The following XIRP2 variants were observed in gnomAD, a reference collection of about 807,000 sequenced individuals.
XIRP2 encodes xin actin-binding repeat-containing protein 2.
In XIRP2, 236 loss-of-function variants were observed where a neutral mutation model predicts 277.0. The observed-to-expected ratio is 0.85, with a 90% CI of 0.77 to 0.95. The LOEUF is 0.95. XIRP2 is among the 40% of genes least tolerant of loss of function. The pLI is 0.00. For synonymous variants in XIRP2, 1,490 were observed against 1,416.5 expected, an observed-to-expected ratio of 1.05 and a Z score of -1.17; for missense variants, 4,640 against 4,157.5, an observed-to-expected ratio of 1.12 and a Z score of -3.19.
intron 3 of XIRP2, among the ~76,000 whole-genome samples, chr2:167,158,427 T>C (rs570579529): frequency 2.0e-5 from 3 of 152,280 alleles, no homozygotes; most frequent in South Asian, 2.1e-4. Context: ...AAAGAGGTAA[T>C]GTAGATGTGT....
intron 2 of XIRP2, among the ~76,000 whole-genome samples, chr2:167,087,906 G>A (rs145932197): frequency 0.073 from 11,152 of 152,182 alleles, 490 homozygotes; most frequent in South Asian, 0.17. Context: ...CTTCTTCTGC[G>A]TCGCTCACGC....
At position 167,245,140 on chromosome 2, in the gene XIRP2, A is replaced by G; in HGVS notation, c.3748A>G (p.Lys1250Glu). Residue 1250 changes from lysine to glutamate, a missense_variant, in exon 9 of 11, where the codon AAG (lysine) becomes GAG (glutamate). Coordinates refer to ENST00000409195, the MANE Select transcript of XIRP2 (RefSeq NM_152381.6). Reference protein sequence around the residue: ...RWLFENQPIDKIKESQEGDEC... With the variant: ...RWLFENQPIDEIKESQEGDEC... ...GCTTTTTGAAAACCAACCAATTGAT[A>G]AGATAAAAGAAAGCCAAGAAGGTGA... 1.2e-6 allele frequency: 2 copies of G among 1,612,324 alleles called. No homozygotes were observed. Among genetic ancestry groups the G allele is most frequent in the Non-Finnish European group, 1.7e-6 (2 of 1,179,430 alleles).
chr2:167,012,721 A>G (rs112919829), intron 2 of XIRP2, among the ~76,000 whole-genome samples: 2 of 151,702 alleles, frequency 1.3e-5, no homozygotes, highest in Admixed American at 6.6e-5. Flanking sequence ...CATTGAAATC[A>G]TATGCCTCTC....
At chr2:167,025,654 G>C (rs920166473) in intron 2 of XIRP2, among the ~76,000 whole-genome samples, 1 of 152,070 alleles carries the variant, frequency 6.6e-6, no homozygotes, top group African/African-American at 2.4e-5. Context: ...GGTATGTTGT[G>C]TCTTTGTTCT....
chr2:167,238,475 C>G (rs1326454315), intron 5 of XIRP2, among the ~76,000 whole-genome samples: 1 of 152,100 alleles, frequency 6.6e-6, no homozygotes, highest in African/African-American at 2.4e-5. Flanking sequence ...ACATGACTAA[C>G]TGCTCCTTGG....
chr2:167,032,687 T>C (rs565534417), intron 2 of XIRP2, among the ~76,000 whole-genome samples: 1 of 152,012 alleles, frequency 6.6e-6, no homozygotes, highest in African/African-American at 2.4e-5. Flanking sequence ...CAAAAATATA[T>C]GAAAAAAAGC....
chr2:167,063,340 A>G (rs1027477664), intron 2 of XIRP2, among the ~76,000 whole-genome samples: 5 of 151,976 alleles, frequency 3.3e-5, no homozygotes, highest in African/African-American at 1.2e-4. Flanking sequence ...TTTATTTTGC[A>G]GAAAGTTTTG....
At chr2:167,107,402 T>C (rs1690644323) in intron 2 of XIRP2, among the ~76,000 whole-genome samples, 2 of 151,848 alleles carry the variant, frequency 1.3e-5, no homozygotes, top group Admixed American at 6.6e-5. Context: ...CAAATAATTT[T>C]AATCATGGAT....
intron 2 of XIRP2, among the ~76,000 whole-genome samples, chr2:167,105,076 G>T (rs545088864): frequency 6.6e-6 from 1 of 151,992 alleles, no homozygotes; most frequent in African/African-American, 2.4e-5. Context: ...AAATGAATTA[G>T]TAAGTTAGTT....
At chr2:167,089,275 G>T (rs1690072051) in intron 2 of XIRP2, among the ~76,000 whole-genome samples, 1 of 152,066 alleles carries the variant, frequency 6.6e-6, no homozygotes, top group Non-Finnish European at 1.5e-5. Context: ...CTCATTATTA[G>T]AGATTTTTTC....
chr2:167,251,946 T>A lies in XIRP2; in HGVS notation c.10554T>A (p.Ser3518Arg). ...TTFQEESAFI[S>R]EAAAPRQGNM... is the part of the protein sequence containing the mutation. ...TCCAAGAGGAATCTGCATTTATAAG[T>A]GGTAAATGAGCTTGCAATGTGTTAA... Residue 3518 changes from serine to arginine, a missense_variant and splice_region_variant, in exon 9 of 11, where the codon AGT (serine) becomes AGA (arginine). Transcript: ENST00000409195. The A allele has an allele frequency of 6.5e-7, 1 of 1,542,628 alleles. No homozygotes were observed. The highest frequency in any genetic ancestry group is 8.7e-7 in the Non-Finnish European group (1 of 1,152,050).
intron 2 of XIRP2, among the ~76,000 whole-genome samples, chr2:166,973,708 T>C (rs1466401266): frequency 6.6e-6 from 1 of 152,208 alleles, no homozygotes; most frequent in Non-Finnish European, 1.5e-5. Context: ...ATTTGCATTC[T>C]AGTAACATTT....
rs538569674 is a variant in XIRP2, at chr2:167,255,980, G to A, written c.*39+1815G>A. On this transcript the variant is annotated intron_variant, in intron 10 of 10. Coordinates refer to ENST00000409195, the MANE Select transcript of XIRP2 (RefSeq NM_152381.6). ...TAAAGTGTTGGAATAGCTTGATAAC[G>A]ATCTAATTTTATTTTCCTTATAAGA... Among the ~76,000 whole-genome samples the A allele has an allele frequency of 2.6e-5, 4 of 151,552 alleles. No individual in the cohort carries two copies. In the South Asian group the frequency reaches 8.3e-4, roughly 32 times the overall value.
chr2:167,000,313 A>G (rs916392106), intron 2 of XIRP2, among the ~76,000 whole-genome samples: 1 of 152,160 alleles, frequency 6.6e-6, no homozygotes, highest in Admixed American at 6.5e-5. Context: ...CATGGGTTTC[A>G]TAAGATACTT....
chr2:167,236,769 C>G (rs10497322), intron 5 of XIRP2, among the ~76,000 whole-genome samples: 8,804 of 152,078 alleles, frequency 0.058, 287 homozygotes, highest in East Asian at 0.11. Context: ...TTTCAGCAAC[C>G]AATTTTATGA....
At position 167,071,034 on chromosome 2, in the gene XIRP2, A is replaced by G. The variant is rs532598738; in HGVS notation, c.409-64875A>G. ...AGGCTGAGATTAAGTAGTTTTCCCA[A>G]TAGCAAACCTCTAGCAAGTGTCAGG... is the stretch of plus-strand genomic sequence containing the variant. On this transcript the variant is annotated intron_variant, in intron 2 of 10. Transcript: ENST00000409195. Among the ~76,000 whole-genome samples, 8 of 152,280 alleles carry G rather than the reference A, an allele frequency of 5.3e-5. No individual in the cohort carries two copies. The East Asian group carries it at 1.4e-3, about 26-fold the overall frequency.
At chr2:167,012,812 A>G (rs1424155001) in intron 2 of XIRP2, among the ~76,000 whole-genome samples, 2 of 151,702 alleles carry the variant, frequency 1.3e-5, no homozygotes, top group Non-Finnish European at 3.0e-5. Flanking sequence ...CTAACTTCCC[A>G]TAATCTAGCC....
intron 3 of XIRP2, among the ~76,000 whole-genome samples, chr2:167,170,654 C>A (rs933004307): frequency 6.6e-6 from 1 of 152,014 alleles, no homozygotes; most frequent in Non-Finnish European, 1.5e-5. Context: ...TAGTGACGTT[C>A]AATATTTCAG....
chr2:167,127,474 C>T (rs934868820), intron 2 of XIRP2, among the ~76,000 whole-genome samples: 2 of 152,164 alleles, frequency 1.3e-5, no homozygotes, highest in African/African-American at 2.4e-5. Context: ...CTGACTGTTT[C>T]TCCTCTACTG....
Sources: allele counts gnomAD v4.1 joint callset (sites outside exome capture counted in the v4.1 genomes callset), GRCh38; gene constraint gnomAD v4.1.1; transcripts MANE v1.5; gene names NCBI Gene and HGNC (gene_info 2026-07-23, HGNC 2026-07-21).